SLCO5A1: variants seen among roughly 807,000 people sequenced by gnomAD.
SLCO5A1 encodes the protein organic anion transporter polypeptide-related protein 4.
A neutral mutation model predicts 65.1 loss-of-function variants in SLCO5A1; 39 were observed. That is an observed-to-expected ratio of 0.60 (90% CI 0.46 to 0.78). The LOEUF is 0.78. Ranked by LOEUF, SLCO5A1 falls within the 30% of genes least tolerant of loss-of-function variation. The pLI is 0.00. For synonymous variants in SLCO5A1, 438 were observed against 415.7 expected, an observed-to-expected ratio of 1.05 and a Z score of -0.65; for missense variants, 1,029 against 1,069.4, an observed-to-expected ratio of 0.96 and a Z score of 0.53.
chr8:69,821,684 G>A (rs1302563779), intron 2 of SLCO5A1, among the ~76,000 whole-genome samples: 1 of 151,658 alleles, frequency 6.6e-6, no homozygotes, highest in Non-Finnish European at 1.5e-5. Context: ...CACACTTGTA[G>A]TCCCACCTAC....
Position 69,805,189 on chromosome 8 carries a change from C to A in SLCO5A1, c.907+26578G>T, listed in dbSNP as rs554321018. On this transcript the variant is annotated intron_variant, in intron 2 of 9. Coordinates refer to ENST00000260126, the MANE Select transcript of SLCO5A1 (RefSeq NM_030958.3). Reference sequence around the variant, plus strand: ...AAAAGATTGTTTGACACGAGCCACACCCTGCCAGCCACTAGCCTACTGGAC... The same window carrying A: ...AAAAGATTGTTTGACACGAGCCACAACCTGCCAGCCACTAGCCTACTGGAC... 1.3e-3 allele frequency among the ~76,000 whole-genome samples: 203 copies of A among 152,156 alleles called. 1 individual carries two copies. Among genetic ancestry groups the A allele is most frequent in the African/African-American group, 4.5e-3 (188 of 41,470 alleles).
chr8:69,756,501 A>C (rs1021925975), intron 3 of SLCO5A1, among the ~76,000 whole-genome samples: 4 of 152,232 alleles, frequency 2.6e-5, no homozygotes, highest in African/African-American at 7.2e-5. Flanking sequence ...ATTTAAACTT[A>C]GTCCTTGCCT....
intron 8 of SLCO5A1, among the ~76,000 whole-genome samples, chr8:69,677,929 CCTGCA>C (rs1813615384): frequency 6.6e-6 from 1 of 152,266 alleles, no homozygotes; most frequent in East Asian, 1.9e-4. Flanking sequence ...AATCCCCTTC[CCTGCA>C]CTGCACCCCC....
intron 2 of SLCO5A1, among the ~76,000 whole-genome samples, chr8:69,825,285 C>T (rs565420997): frequency 9.9e-4 from 151 of 152,230 alleles, no homozygotes; most frequent in East Asian, 3.1e-3. Flanking sequence ...CCAGGGCAAT[C>T]AGGCAGGAGA....
At chr8:69,687,965 A>G (rs887720406) in intron 6 of SLCO5A1, among the ~76,000 whole-genome samples, 1 of 152,042 alleles carries the variant, frequency 6.6e-6, no homozygotes, top group Non-Finnish European at 1.5e-5. Context: ...TGAAATAAAA[A>G]CTTATCATGT....
At chr8:69,831,402 C>T (rs922874548) in intron 2 of SLCO5A1, among the ~76,000 whole-genome samples, 2 of 152,158 alleles carry the variant, frequency 1.3e-5, no homozygotes, top group Non-Finnish European at 2.9e-5. Context: ...ATCATCAAAA[C>T]TTTACACATG....
rs1437834094 is a variant in SLCO5A1, at chr8:69,667,159, C to T, written c.*5710G>A. On this transcript the variant is annotated 3_prime_UTR_variant, in exon 10 of 10. Transcript: ENST00000260126. ...CATCGACAACAGATTTCATTAAACACACGGAAATTATACATCTTTTAAATT... is the reference window on the plus strand; with the variant it reads ...CATCGACAACAGATTTCATTAAACATACGGAAATTATACATCTTTTAAATT... 2.0e-5 allele frequency: 3 copies of T among 152,130 alleles called. No homozygotes were observed. The highest frequency in any genetic ancestry group is 4.4e-5 in the Non-Finnish European group (3 of 68,016). The allele number at this position is 152,130 out of a possible 1,614,324, so 9.4% of individuals were successfully genotyped here.
intron 5 of SLCO5A1, among the ~76,000 whole-genome samples, chr8:69,712,351 G>T (rs2380585): frequency 6.6e-6 from 1 of 152,064 alleles, no homozygotes; most frequent in African/African-American, 2.4e-5. Flanking sequence ...TGGCTGCATG[G>T]AGCCAAAGGG....
chr8:69,712,010 A>G (rs1322656100), intron 5 of SLCO5A1, among the ~76,000 whole-genome samples: 1 of 152,236 alleles, frequency 6.6e-6, no homozygotes, highest in Non-Finnish European at 1.5e-5. Flanking sequence ...TAGTGGCCCA[A>G]CATAAACCTC....
At chr8:69,797,750 T>C (rs889144228) in intron 2 of SLCO5A1, among the ~76,000 whole-genome samples, 2 of 152,232 alleles carry the variant, frequency 1.3e-5, no homozygotes, top group African/African-American at 2.4e-5. Context: ...AGACTGGTTG[T>C]CTGCTCTCAA....
intron 2 of SLCO5A1, among the ~76,000 whole-genome samples, chr8:69,821,805 CAAA>C (rs11284619): frequency 1.0e-4 from 12 of 115,270 alleles, no homozygotes; most frequent in Non-Finnish European, 1.5e-4. Flanking sequence ...GACTTTGTCT[CAAA>C]AAAAAAAAAA....
chr8:69,761,970 GT>G lies in SLCO5A1; in HGVS notation c.908-96del. 2.8e-6 allele frequency: 4 copies of G among 1,445,996 alleles called. No individual in the cohort carries two copies. The South Asian group carries it at 5.3e-5, about 19-fold the overall frequency. The allele number at this position is 1,445,996 out of a possible 1,614,324, so 89.6% of individuals were successfully genotyped here. On this transcript the variant is annotated intron_variant, in intron 2 of 9. Transcript: ENST00000260126. ...ACTCTCATACCACAGACATCTCACA[GT>G]TCAATCCAGTTAACTTCCAAAAACG...
chr8:69,697,472 G>A (rs1814545798), intron 6 of SLCO5A1, among the ~76,000 whole-genome samples: 1 of 152,094 alleles, frequency 6.6e-6, no homozygotes, highest in African/African-American at 2.4e-5. Context: ...GGGGACAAAA[G>A]CAAAGCAAAT....
intron 2 of SLCO5A1, among the ~76,000 whole-genome samples, chr8:69,792,950 T>TTTG (rs201531082): frequency 1.3e-5 from 2 of 152,014 alleles, no homozygotes; most frequent in African/African-American, 4.8e-5. Flanking sequence ...TTTGTTTGTT[T>TTTG]TTGTTGTTGT....
chr8:69,832,173 C>T lies in SLCO5A1; in HGVS notation c.501G>A (p.Ser167=). The T allele has an allele frequency of 6.2e-7, 1 of 1,614,164 alleles. No individual in the cohort carries two copies. Among genetic ancestry groups the T allele is most frequent in the Non-Finnish European group, 8.5e-7 (1 of 1,180,036 alleles). Residue 167 remains serine, a synonymous_variant, in exon 2 of 10, where the codon TCG becomes TCA. Transcript: ENST00000260126. This position sits in a 1 kb window ranked among gnomAD's most constrained non-coding sequence, Gnocchi z 4.5. ...TGTCAAAGCAGCTGACCAGCAGCCC[C>T]GACTCGGAACTCTTCAGACTGTAGC... The part of the protein sequence containing the change: ...ERRYSLKSSE[S]GLLVSCFDIG...
intron 6 of SLCO5A1, among the ~76,000 whole-genome samples, chr8:69,702,271 A>C (rs1814772865): frequency 6.6e-6 from 1 of 152,280 alleles, no homozygotes; most frequent in Non-Finnish European, 1.5e-5. Context: ...TGTTACACAC[A>C]TAACCCTTGC....
At chr8:69,740,484 T>C (rs756732594) in intron 4 of SLCO5A1, among the ~76,000 whole-genome samples, 7 of 152,140 alleles carry the variant, frequency 4.6e-5, no homozygotes, top group Non-Finnish European at 1.0e-4. Flanking sequence ...ATAAATAGAT[T>C]AGAAGAAGAT....
intron 2 of SLCO5A1, among the ~76,000 whole-genome samples, chr8:69,828,719 TACACTAAAAAC>T (rs1377247714): frequency 1.3e-5 from 2 of 152,240 alleles, no homozygotes; most frequent in African/African-American, 4.8e-5. Context: ...GGTATTGCTT[TACACTAAAAAC>T]ACCTCAAATG....
chr8:69,780,998 G>A (rs959711938), intron 2 of SLCO5A1, among the ~76,000 whole-genome samples: 3 of 152,166 alleles, frequency 2.0e-5, no homozygotes, highest in Admixed American at 6.5e-5. Flanking sequence ...CTTCCATAAG[G>A]ATGGCAGGGA....
Sources: allele counts gnomAD v4.1 joint callset (sites outside exome capture counted in the v4.1 genomes callset), GRCh38; gene constraint gnomAD v4.1.1; non-coding constraint Gnocchi (gnomAD v3.1); transcripts MANE v1.5; gene names NCBI Gene and HGNC (gene_info 2026-07-23, HGNC 2026-07-21).